Variants in NELL1 observed in about 807,000 individuals in gnomAD.
NELL1 encodes the protein protein kinase C-binding protein NELL1.
A neutral mutation model predicts 107.4 loss-of-function variants in NELL1; 76 were observed. The observed-to-expected ratio is 0.71, with a 90% CI of 0.59 to 0.86. The LOEUF (loss-of-function observed/expected upper bound fraction) is 0.86. NELL1 is among the 40% of genes least tolerant of loss of function. The pLI, the probability that NELL1 is intolerant of heterozygous loss-of-function variation, is 0.00. For synonymous variants in NELL1, 353 were observed against 341.2 expected (o/e 1.03, Z -0.38); for missense variants, 1,024 against 1,005.5 (o/e 1.02, Z -0.25).
At chr11:21,332,826 AC>A (rs1188261226) in intron 14 of NELL1, among the ~76,000 whole-genome samples, 2 of 151,978 alleles carry the variant, frequency 1.3e-5, no homozygotes, top group Non-Finnish European at 2.9e-5. Flanking sequence ...CAACTAGAGA[AC>A]AAACATTTTC....
intron 2 of NELL1, among the ~76,000 whole-genome samples, chr11:20,762,622 C>A (rs1856446223): frequency 6.6e-6 from 1 of 152,114 alleles, no homozygotes; most frequent in African/African-American, 2.4e-5. Flanking sequence ...CACACCCATA[C>A]CCACAGTGAC....
intron 14 of NELL1, among the ~76,000 whole-genome samples, chr11:21,245,981 A>G (rs1201848827): frequency 2.0e-5 from 3 of 152,284 alleles, no homozygotes; most frequent in Non-Finnish European, 2.9e-5. Flanking sequence ...GACAGCAATC[A>G]TCTGGTCCAC....
intron 14 of NELL1, among the ~76,000 whole-genome samples, chr11:21,289,830 G>A (rs1039243347): frequency 2.0e-5 from 3 of 152,160 alleles, no homozygotes; most frequent in Non-Finnish European, 4.4e-5. Context: ...CCATTACTGA[G>A]GCTTGAGTAG....
chr11:21,325,427 A>C (rs977193574), intron 14 of NELL1, among the ~76,000 whole-genome samples: 1 of 152,066 alleles, frequency 6.6e-6, no homozygotes, highest in African/African-American at 2.4e-5. Context: ...GGCTACACCA[A>C]TTTAGTTTCT....
At chr11:21,483,865 A>G (rs1200578608) in intron 15 of NELL1, among the ~76,000 whole-genome samples, 1 of 62,658 alleles carries the variant, frequency 1.6e-5, no homozygotes, top group African/African-American at 4.0e-5. Flanking sequence ...ATATACATAT[A>G]CAAACACACA....
At chr11:21,467,019 A>G (rs1198088656) in intron 15 of NELL1, among the ~76,000 whole-genome samples, 2 of 152,068 alleles carry the variant, frequency 1.3e-5, no homozygotes, top group Admixed American at 6.6e-5. Flanking sequence ...CACAGTTTTG[A>G]TATACACTGT....
chr11:20,986,444 T>C (rs888151174), intron 12 of NELL1, among the ~76,000 whole-genome samples: 2 of 152,188 alleles, frequency 1.3e-5, no homozygotes, highest in Non-Finnish European at 2.9e-5. Flanking sequence ...ACCTTTTCCT[T>C]GTGCACCCTT....
intron 5 of NELL1, among the ~76,000 whole-genome samples, chr11:20,915,556 A>G (rs1245293560): frequency 6.6e-6 from 1 of 151,128 alleles, no homozygotes; most frequent in East Asian, 2.0e-4. Flanking sequence ...GCCCAGATAG[A>G]GTTGCATTTT....
intron 15 of NELL1, among the ~76,000 whole-genome samples, chr11:21,503,662 A>T (rs939796762): frequency 2.0e-5 from 3 of 152,162 alleles, no homozygotes; most frequent in Admixed American, 6.5e-5. Context: ...AATTATTTAC[A>T]TTGCTTCCCA....
chr11:20,990,614 C>T (rs1851951716), intron 12 of NELL1, among the ~76,000 whole-genome samples: 1 of 152,200 alleles, frequency 6.6e-6, no homozygotes, highest in Admixed American at 6.5e-5. Flanking sequence ...TCAGCCTGTT[C>T]TTGCTGGCAC....
At chr11:20,944,792 T>C (rs1475758679) in intron 10 of NELL1, among the ~76,000 whole-genome samples, 1 of 152,218 alleles carries the variant, frequency 6.6e-6, no homozygotes, top group East Asian at 1.9e-4. Flanking sequence ...CAAAAAGGTT[T>C]GTCTCCATTT....
intron 14 of NELL1, among the ~76,000 whole-genome samples, chr11:21,330,580 G>A (rs1850251156): frequency 6.6e-6 from 1 of 152,074 alleles, no homozygotes; most frequent in African/African-American, 2.4e-5. Flanking sequence ...TTTCTGGTGA[G>A]ATGTCAGTTG....
chr11:21,303,709 G>T (rs1432117466), intron 14 of NELL1, among the ~76,000 whole-genome samples: 2 of 152,084 alleles, frequency 1.3e-5, no homozygotes, highest in African/African-American at 2.4e-5. Flanking sequence ...ACATGCACTT[G>T]TATGTTTATC....
intron 14 of NELL1, among the ~76,000 whole-genome samples, chr11:21,230,000 C>T (rs1206229946): frequency 1.3e-5 from 2 of 152,110 alleles, no homozygotes; most frequent in East Asian, 1.9e-4. Flanking sequence ...ACCTCTCTTT[C>T]CTCTCACCCT....
chr11:21,542,542 C>T (rs904985367), intron 16 of NELL1, among the ~76,000 whole-genome samples: 4 of 151,982 alleles, frequency 2.6e-5, no homozygotes, highest in African/African-American at 9.7e-5. Context: ...TCCTTCTGAG[C>T]GATGGGCAGG....
chr11:21,289,818 C>T (rs1258554181), intron 14 of NELL1, among the ~76,000 whole-genome samples: 5 of 152,078 alleles, frequency 3.3e-5, no homozygotes, highest in African/African-American at 4.8e-5. Flanking sequence ...GAGGGGCATC[C>T]GCCATTACTG....
chr11:20,998,149 A>G (rs1205144113), intron 12 of NELL1, among the ~76,000 whole-genome samples: 1 of 152,152 alleles, frequency 6.6e-6, no homozygotes, highest in Non-Finnish European at 1.5e-5. Flanking sequence ...AAATTATAAG[A>G]ATATTAAGAA....
chr11:21,387,847 A>T (rs756017531), intron 15 of NELL1, among the ~76,000 whole-genome samples: 25 of 151,852 alleles, frequency 1.6e-4, no homozygotes, highest in Admixed American at 1.3e-4. Context: ...TATAATAGTA[A>T]TATTTTATAT....
At chr11:20,803,089 G>A (rs1431675098) in intron 3 of NELL1, among the ~76,000 whole-genome samples, 1 of 152,046 alleles carries the variant, frequency 6.6e-6, no homozygotes, top group East Asian at 1.9e-4. Flanking sequence ...GATATAATGA[G>A]TTTGGAAAAA....
Sources: allele counts gnomAD v4.1 joint callset (sites outside exome capture counted in the v4.1 genomes callset), GRCh38; gene constraint gnomAD v4.1.1; transcripts MANE v1.5; gene names NCBI Gene and HGNC (gene_info 2026-07-23, HGNC 2026-07-21).